The following TSHZ2 variants were observed in gnomAD, a reference collection of about 807,000 sequenced individuals.
The protein encoded by TSHZ2 is teashirt zinc finger homeobox 2.
A neutral mutation model predicts 74.4 loss-of-function variants in TSHZ2; 21 were observed. The ratio of observed to expected loss-of-function variants is 0.28; its 90% CI spans 0.20 to 0.41. The LOEUF (loss-of-function observed/expected upper bound fraction) is 0.41. Among genes scored for constraint, TSHZ2 ranks in the 10% least tolerant of loss-of-function variants. The pLI, the probability that TSHZ2 is intolerant of heterozygous loss-of-function variation, is 1.00. For synonymous variants in TSHZ2, 540 were observed against 515.3 expected (o/e 1.05, Z -0.65); for missense variants, 1,244 against 1,293.5 (o/e 0.96, Z 0.59).
At chr20:53,407,446 A>G (rs1179535869) in intron 2 of TSHZ2, among the ~76,000 whole-genome samples, 1 of 152,230 alleles carries the variant, frequency 6.6e-6, no homozygotes, top group Admixed American at 6.5e-5. Flanking sequence ...GAATGCAATT[A>G]TCACCTTGCA....
At chr20:53,193,726 T>C (rs973518100) in intron 1 of TSHZ2, among the ~76,000 whole-genome samples, 2 of 152,162 alleles carry the variant, frequency 1.3e-5, no homozygotes, top group Admixed American at 1.3e-4. Context: ...TGTTGAATAA[T>C]AGAAGCAGCA....
intron 1 of TSHZ2, among the ~76,000 whole-genome samples, chr20:53,084,595 CCT>C (rs771861676): frequency 2.2e-3 from 43 of 19,596 alleles, no homozygotes; most frequent in Admixed American, 4.0e-3. Context: ...TTCATCCTTT[CCT>C]CTGTTTTTCT....
At chr20:53,461,710 C>T (rs899046496) in intron 2 of TSHZ2, 1 of 152,230 alleles carries the variant, frequency 6.6e-6, no homozygotes, top group Non-Finnish European at 1.5e-5. Flanking sequence ...GAAATTTCTA[C>T]ATCCCATTCT....
intron 2 of TSHZ2, among the ~76,000 whole-genome samples, chr20:53,407,302 T>C (rs1456445337): frequency 2.6e-5 from 4 of 152,310 alleles, no homozygotes; most frequent in African/African-American, 9.6e-5. Context: ...AGCAAAACAA[T>C]GCTCTTCTGT....
At chr20:53,123,899 A>C (rs1986878529) in intron 1 of TSHZ2, among the ~76,000 whole-genome samples, 1 of 152,212 alleles carries the variant, frequency 6.6e-6, no homozygotes, top group Non-Finnish European at 1.5e-5. Flanking sequence ...AATTTTTAAA[A>C]GGTGCTTATA....
chr20:53,113,784 A>C (rs1039498694), intron 1 of TSHZ2, among the ~76,000 whole-genome samples: 1 of 152,146 alleles, frequency 6.6e-6, no homozygotes, highest in African/African-American at 2.4e-5. Flanking sequence ...ATCTCCTCTT[A>C]TCACAAATTA....
At chr20:53,457,364 G>A (rs1985140109) in intron 2 of TSHZ2, among the ~76,000 whole-genome samples, 1 of 112,072 alleles carries the variant, frequency 8.9e-6, no homozygotes, top group South Asian at 3.4e-4. Context: ...CTGTTTGTCT[G>A]TTGTTGGTGT....
At chr20:53,455,297 TCTC>T (rs1442317029) in intron 2 of TSHZ2, 5 of 152,108 alleles carry the variant, frequency 3.3e-5, no homozygotes, top group Non-Finnish European at 7.3e-5. Flanking sequence ...CTTATTGTCT[TCTC>T]CTCCCTCTGG....
At chr20:53,115,409 A>C (rs1313694938) in intron 1 of TSHZ2, among the ~76,000 whole-genome samples, 2 of 152,034 alleles carry the variant, frequency 1.3e-5, no homozygotes, top group South Asian at 4.2e-4. Context: ...TGGTTCTATA[A>C]AGGGCAGTTC....
Position 53,256,522 on chromosome 20 carries a change from G to A in TSHZ2, c.3064G>A (p.Glu1022Lys), listed in dbSNP as rs200855096. Residue 1022 changes from glutamate (E) to lysine (K), a missense_variant, in exon 2 of 3, where the codon GAA becomes AAA. This residue lies in a region of TSHZ2 where 185 missense variants were observed against 213.3 expected (regional missense o/e 0.87). Transcript: ENST00000371497. This position sits in a 1 kb window ranked among gnomAD's most constrained non-coding sequence, Gnocchi z 4.3. The part of the protein sequence containing the change: ...HLSKTHSKSP[E>K]HHSQFVTDVD... ...AAGCAAAACGCACAGCAAGTCACCC[G>A]AACACCATTCACAGTTTGTAACAGA... 45 of 1,608,120 alleles carry A rather than the reference G, an allele frequency of 2.8e-5. No individual in the cohort carries two copies. In the Admixed American group the frequency reaches 3.0e-4, roughly 11 times the overall value.
intron 2 of TSHZ2, among the ~76,000 whole-genome samples, chr20:53,336,876 C>T (rs1426173479): frequency 1.3e-5 from 2 of 151,866 alleles, no homozygotes; most frequent in Non-Finnish European, 2.9e-5. Context: ...TCATACATTC[C>T]ACACTTGAGT....
chr20:53,345,058 A>G (rs778783993), intron 2 of TSHZ2, among the ~76,000 whole-genome samples: 3 of 152,266 alleles, frequency 2.0e-5, no homozygotes, highest in Admixed American at 6.5e-5. Flanking sequence ...CAAGTTCAGC[A>G]TCTCATGAGA....
intron 1 of TSHZ2, among the ~76,000 whole-genome samples, chr20:53,180,610 G>A (rs1162328430): frequency 1.3e-5 from 2 of 152,054 alleles, no homozygotes; most frequent in Non-Finnish European, 2.9e-5. Context: ...CATGTAGGAG[G>A]GGCCACAACT....
At chr20:53,237,529 G>A (rs747448665) in intron 1 of TSHZ2, among the ~76,000 whole-genome samples, 11 of 151,758 alleles carry the variant, frequency 7.2e-5, no homozygotes, top group Non-Finnish European at 1.5e-4. Context: ...GTGTGTGTGC[G>A]CGTGCATCTG....
At chr20:53,136,397 A>T (rs547271387) in intron 1 of TSHZ2, among the ~76,000 whole-genome samples, 2 of 152,130 alleles carry the variant, frequency 1.3e-5, no homozygotes, top group African/African-American at 4.8e-5. Flanking sequence ...TTTTTAAGGG[A>T]ACTTAAAATT....
chr20:53,000,821 C>G (rs1304367572), intron 1 of TSHZ2, among the ~76,000 whole-genome samples: 1 of 152,198 alleles, frequency 6.6e-6, no homozygotes, highest in African/African-American at 2.4e-5. Context: ...CTTGAGGTCT[C>G]TTCCAGCGCT....
intron 2 of TSHZ2, chr20:53,400,230 G>A (rs942799442): frequency 3.9e-5 from 6 of 152,268 alleles, no homozygotes; most frequent in Non-Finnish European, 5.9e-5. Flanking sequence ...AGAGCCCTCA[G>A]TGCCTGCTAG....
intron 2 of TSHZ2, among the ~76,000 whole-genome samples, chr20:53,395,284 C>T (rs1419949287): frequency 6.6e-6 from 1 of 151,998 alleles, no homozygotes; most frequent in African/African-American, 2.4e-5. Flanking sequence ...GGAACCTGGA[C>T]CTATGGAATT....
chr20:53,342,359 T>C (rs1452015868), intron 2 of TSHZ2, among the ~76,000 whole-genome samples: 1 of 150,714 alleles, frequency 6.6e-6, no homozygotes, highest in Admixed American at 6.6e-5. Flanking sequence ...TGGTCAGGTA[T>C]ACTGTAGTAT....
Sources: gnomAD v4.1 joint callset for allele counts (sites outside exome capture counted in the v4.1 genomes callset) on GRCh38, gnomAD v4.1.1 for gene constraint, gnomAD v4.1.1 regional missense constraint, Gnocchi (gnomAD v3.1) non-coding constraint, MANE v1.5 for transcripts, NCBI Gene and HGNC (gene_info 2026-07-23, HGNC 2026-07-21) for gene names.